The following PRAMEF19 variants were observed in gnomAD, a reference collection of about 807,000 sequenced individuals.
PRAMEF19 encodes PRAME family member 19, also known as PRAME family member-like.
A neutral mutation model predicts 33.1 loss-of-function variants in PRAMEF19; 21 were observed. The observed-to-expected ratio is 0.63, with a 90% CI of 0.45 to 0.91. The LOEUF (loss-of-function observed/expected upper bound fraction) is 0.91. Ranked by LOEUF, PRAMEF19 falls within the 40% of genes least tolerant of loss-of-function variation. PRAMEF19 has a pLI of 0.00. For synonymous variants in PRAMEF19, 179 were observed against 229.3 expected (o/e 0.78, Z 1.98); for missense variants, 481 against 585.2 (o/e 0.82, Z 1.84).
exon 2 of PRAMEF19, chr1:13,370,930 G>A (rs1640663832): frequency 6.2e-7 from 1 of 1,613,616 alleles, no homozygotes; most frequent in South Asian, 1.1e-5. Flanking sequence ...ATATGTTTCT[G>A]AAATTTAGAA....
Sources: allele counts gnomAD v4.1 joint callset, GRCh38; gene constraint gnomAD v4.1.1; transcripts MANE v1.5; gene names NCBI Gene and HGNC (gene_info 2026-07-23, HGNC 2026-07-21).